The following MPV17 variants were observed in gnomAD, a reference collection of about 807,000 sequenced individuals.
MPV17 encodes the protein mitochondrial inner membrane protein MPV17, also known as MPV17, mitochondrial inner membrane protein.
MPV17 carries 31 observed loss-of-function variants against 28.6 expected under a neutral mutation model. The ratio of observed to expected loss-of-function variants is 1.08; its 90% confidence interval spans 0.81 to 1.46. MPV17 has a LOEUF of 1.46. Among genes scored for constraint, MPV17 ranks in the 40% most tolerant of loss-of-function variants. MPV17 has a pLI of 0.00. For missense variants in MPV17, 198 were observed against 216.2 expected (o/e 0.92, Z 0.53); for synonymous variants, 87 against 85.3 (o/e 1.02, Z -0.11).
chr2:27,316,154 G>T (rs1679642701), intron 2 of MPV17: 2 of 1,551,160 alleles, frequency 1.3e-6, no homozygotes. Context: ...TCTGCTCCTT[G>T]TCACCTCGTG....
chr2:27,310,501 CT>C (rs779221919), intron 7 of MPV17, among the ~76,000 whole-genome samples: 9 of 152,198 alleles, frequency 5.9e-5, no homozygotes, highest in Non-Finnish European at 1.3e-4. Context: ...GCCTCAAAGG[CT>C]AAATATTCAG....
intron 2 of MPV17, among the ~76,000 whole-genome samples, chr2:27,318,244 T>TTTTAGCAGAGATGGGG: frequency 6.6e-6 from 1 of 152,076 alleles, no homozygotes; most frequent in Non-Finnish European, 1.5e-5. Flanking sequence ...AATTTTGTAT[T>TTTTAGCAGAGATGGGG]TTTAGCAGAG....
At chr2:27,312,083 TGGTGCCCATCCTG>T (rs1285236711) in intron 6 of MPV17, 118 bp downstream of exon 6, 5 of 1,453,822 alleles carry the variant, frequency 3.4e-6, no homozygotes, top group Non-Finnish European at 4.8e-6. Flanking sequence ...TCCCTATTTA[TGGTGCCCATCCTG>T]GGAATGAAAG....
rs1303798724 is a variant in MPV17, at chr2:27,317,147, G to T, written c.71-4038C>A. 1.3e-6 allele frequency: 2 copies of T among 1,550,386 alleles called. No homozygotes were observed. The highest frequency in any genetic ancestry group is 1.7e-6 in the Non-Finnish European group (2 of 1,146,948). Reference sequence around the variant, plus strand: ...AAGTGGCTTCTTGGAGTGAGGAGCAGGAAGCGTGTCCTTCAGTCCAGGAGG... The same window carrying T: ...AAGTGGCTTCTTGGAGTGAGGAGCATGAAGCGTGTCCTTCAGTCCAGGAGG... On this transcript the variant is annotated intron_variant, in intron 2 of 7. Coordinates refer to ENST00000380044, the MANE Select transcript of MPV17 (RefSeq NM_002437.5). This position sits in a 1 kb window ranked among gnomAD's most constrained non-coding sequence, Gnocchi z 4.0.
intron 2 of MPV17, among the ~76,000 whole-genome samples, chr2:27,318,396 C>T (rs1387818584): frequency 2.0e-5 from 3 of 151,390 alleles, no homozygotes; most frequent in African/African-American, 7.3e-5. Flanking sequence ...CTCGCTCTGT[C>T]GTCCAGGCTG....
Position 27,314,680 on chromosome 2 carries a change from G to C in MPV17, c.71-1571C>G, listed in dbSNP as rs575239183. ...TTTCTAGCAAATACACACTTACCAGGCCACTTGGGAGTGACCGTGTGATTT... is the reference window on the plus strand; with the variant it reads ...TTTCTAGCAAATACACACTTACCAGCCCACTTGGGAGTGACCGTGTGATTT... On this transcript the variant is annotated intron_variant, in intron 2 of 7. Coordinates refer to ENST00000380044, the MANE Select transcript of MPV17 (RefSeq NM_002437.5). 3.8e-3 allele frequency among the ~76,000 whole-genome samples: 577 copies of C among 152,240 alleles called. 3 individuals carry two copies. Among genetic ancestry groups the C allele is most frequent in the African/African-American group, 0.013 (543 of 41,536 alleles).
At chr2:27,316,880 T>C in intron 2 of MPV17, 1 of 521,742 alleles carries the variant, frequency 1.9e-6, no homozygotes. Context: ...TGTGACATCA[T>C]GCCCCTGGGT....
intron 6 of MPV17, 116 bp downstream of exon 6, chr2:27,312,098 G>T: frequency 1.4e-6 from 2 of 1,447,310 alleles, no homozygotes; most frequent in Non-Finnish European, 9.7e-7. Flanking sequence ...CCCATCCTGG[G>T]AATGAAAGAG....
Position 27,312,594 on chromosome 2 carries a change from G to A in MPV17, c.280-5C>T. ...AAAACACGGGGCAAAGCCCCCCTAG[G>A]GAAGAGAAATTAAAGTCCTATGAGT... On this transcript the variant is annotated splice_polypyrimidine_tract_variant and splice_region_variant and intron_variant, in intron 4 of 7. Coordinates refer to ENST00000380044, the MANE Select transcript of MPV17 (RefSeq NM_002437.5). 1.2e-6 allele frequency: 2 copies of A among 1,614,056 alleles called. No individual in the cohort carries two copies. Among genetic ancestry groups the A allele is most frequent in the Non-Finnish European group, 1.7e-6 (2 of 1,179,938 alleles).
At position 27,309,972 on chromosome 2, in the gene MPV17, A is replaced by G; in HGVS notation, c.471T>C (p.Val157=). The G allele has an allele frequency of 1.2e-6, 2 of 1,613,872 alleles. No individual in the cohort carries two copies. The highest frequency in any genetic ancestry group is 2.2e-5 in the East Asian group (1 of 44,882). ...YLVPLHYRLA[V]VQCVAVIWNS... is the part of the protein sequence containing the mutation. ...TCCAGATAACAGCAACACATTGGAC[A>G]ACGGCCAACCTAAGGAACAGGAATA... Residue 157 remains valine (V), a synonymous_variant, in exon 8 of 8, where the codon GTT becomes GTC. Transcript: ENST00000380044.
intron 2 of MPV17, among the ~76,000 whole-genome samples, chr2:27,314,279 C>T (rs369508433): frequency 6.6e-6 from 1 of 152,030 alleles, no homozygotes; most frequent in Non-Finnish European, 1.5e-5. Flanking sequence ...GCAGTGATCA[C>T]GCCATTACAC....
At chr2:27,322,144 A>T in intron 2 of MPV17, 1 of 481,626 alleles carries the variant, frequency 2.1e-6, no homozygotes, top group Non-Finnish European at 3.8e-6. Flanking sequence ...GCATACGGTA[A>T]AATGTTTTCC....
At chr2:27,313,153 G>A in intron 2 of MPV17, 44 bp from the exon 3 acceptor site, 1 of 1,613,734 alleles carries the variant, frequency 6.2e-7, no homozygotes, top group Non-Finnish European at 8.5e-7. Flanking sequence ...TCCTGGGATG[G>A]GCTGCCATTC....
chr2:27,313,281 C>A, intron 2 of MPV17, 172 bp from the exon 3 acceptor site: 1 of 1,418,270 alleles, frequency 7.1e-7, no homozygotes, highest in Non-Finnish European at 9.6e-7. Context: ...CTCACCTCCC[C>A]AATGATGGTG....
intron 3 of MPV17, 64 bp from the exon 4 acceptor site, chr2:27,312,836 A>C (rs1679505551): frequency 1.3e-6 from 2 of 1,563,444 alleles, no homozygotes; most frequent in Non-Finnish European, 1.8e-6. Flanking sequence ...TACCTCACTA[A>C]GCTCCCTGCC....
At chr2:27,319,768 T>C (rs1276289793) in intron 2 of MPV17, among the ~76,000 whole-genome samples, 1 of 149,656 alleles carries the variant, frequency 6.7e-6, no homozygotes, top group East Asian at 2.0e-4. Context: ...CTACTAAAAA[T>C]ACAAAAAAGT....
intron 2 of MPV17, among the ~76,000 whole-genome samples, chr2:27,314,074 C>T (rs566627160): frequency 8.5e-5 from 13 of 152,240 alleles, no homozygotes; most frequent in Non-Finnish European, 1.3e-4. Flanking sequence ...CCTGTAATCC[C>T]GGCACTCTGG....
chr2:27,319,802 T>TG lies in MPV17; in HGVS notation c.70+2645dup, dbSNP rs777504366. Among the ~76,000 whole-genome samples, 4 of 151,316 alleles carry TG rather than the reference T, an allele frequency of 2.6e-5. No individual in the cohort carries two copies. The East Asian group carries it at 7.9e-4, about 30-fold the overall frequency. On this transcript the variant is annotated intron_variant, in intron 2 of 7. Coordinates refer to ENST00000380044, the MANE Select transcript of MPV17 (RefSeq NM_002437.5). Reference sequence around the variant, plus strand: ...GTAGCCTGGTGTGGTGCTGTGCACTTGTAGTCCCAGCTACTCAGGAGGCTG... The same window carrying TG: ...GTAGCCTGGTGTGGTGCTGTGCACTTGGTAGTCCCAGCTACTCAGGAGGCTG...
At chr2:27,318,659 T>G (rs1679746081) in intron 2 of MPV17, among the ~76,000 whole-genome samples, 2 of 151,898 alleles carry the variant, frequency 1.3e-5, no homozygotes. Context: ...GGGTAAGTCT[T>G]TGGAATCTTT....
Sources: gnomAD v4.1 joint callset for allele counts (sites outside exome capture counted in the v4.1 genomes callset) on GRCh38, gnomAD v4.1.1 for gene constraint, Gnocchi (gnomAD v3.1) non-coding constraint, MANE v1.5 for transcripts, NCBI Gene and HGNC (gene_info 2026-07-23, HGNC 2026-07-21) for gene names.